The following AKAP13 variants were observed in gnomAD, a reference collection of about 807,000 sequenced individuals.
AKAP13 encodes A-kinase anchoring protein 13.
AKAP13 carries 80 observed loss-of-function variants against 264.5 expected under a neutral mutation model. The ratio of observed to expected loss-of-function variants is 0.30; its 90% CI spans 0.25 to 0.36. AKAP13 has a LOEUF of 0.36. AKAP13 is among the 10% of genes least tolerant of loss of function. The probability of loss-of-function intolerance (pLI) is 1.00; values close to 1 mark genes in which losing one functional copy is unlikely to be tolerated. For missense variants in AKAP13, 3,712 were observed against 3,435.2 expected (o/e 1.08, Z -2.01); for synonymous variants, 1,380 against 1,250.2 (o/e 1.10, Z -2.19).
chr15:85,710,743 T>TCA, intron 19 of AKAP13, 98 bp downstream of exon 19: 1 of 1,309,214 alleles, frequency 7.6e-7, no homozygotes, highest in Non-Finnish European at 1.1e-6. Flanking sequence ...ATAGTCAAGA[T>TCA]ATGAATACCT....
chr15:85,719,422 T>TAA, intron 23 of AKAP13, 96 bp downstream of exon 23: 1 of 1,471,086 alleles, frequency 6.8e-7, no homozygotes, highest in East Asian at 2.3e-5. Context: ...TTTCTACCAT[T>TAA]TATTATCTGT....
At chr15:85,731,662 A>G (rs1025546346) in intron 30 of AKAP13, among the ~76,000 whole-genome samples, 6 of 152,166 alleles carry the variant, frequency 3.9e-5, no homozygotes, top group Non-Finnish European at 8.8e-5. Context: ...TTTTTGTGAC[A>G]TATAAGAAAA....
At chr15:85,677,171 G>A (rs897311634) in intron 14 of AKAP13, 86 of 979,740 alleles carry the variant, frequency 8.8e-5, no homozygotes, top group Non-Finnish European at 1.0e-4. Flanking sequence ...TGTAGGCTTG[G>A]TACTAAGAAA....
Position 85,655,692 on chromosome 15 carries a change from C to T in AKAP13, c.4650C>T (p.Val1550=). The part of the protein sequence containing the change: ...SITEVPANCS[V]LRSSMRSLSP... ...CTGAAGTGCCTGCAAACTGCTCTGT[C>T]CTAAGGAGCTCCATGCGCTCTCTTT... is the stretch of plus-strand genomic sequence containing the variant. Residue 1550 remains valine (V), a synonymous_variant, in exon 11 of 37, where the codon GTC becomes GTT. Transcript: ENST00000394518. 6.2e-7 allele frequency: 1 copy of T among 1,614,220 alleles called. No homozygotes were observed. The highest frequency in any genetic ancestry group is 8.5e-7 in the Non-Finnish European group (1 of 1,180,038).
intron 8 of AKAP13, among the ~76,000 whole-genome samples, chr15:85,598,012 CT>C (rs1240919704): frequency 6.6e-6 from 1 of 152,050 alleles, no homozygotes; most frequent in Non-Finnish European, 1.5e-5. Flanking sequence ...TATTCTTTAT[CT>C]TTTGGTTTCT....
At chr15:85,470,103 C>T (rs1327876564) in intron 1 of AKAP13, among the ~76,000 whole-genome samples, 3 of 152,168 alleles carry the variant, frequency 2.0e-5, no homozygotes, top group Non-Finnish European at 1.5e-5. Context: ...GCCTGGCCAA[C>T]ACGGTGAAAC....
At chr15:85,456,758 G>C (rs1285660942) in intron 1 of AKAP13, among the ~76,000 whole-genome samples, 2 of 152,056 alleles carry the variant, frequency 1.3e-5, no homozygotes, top group Non-Finnish European at 2.9e-5. Flanking sequence ...CACCGTGTTA[G>C]CCAGGATGGT....
At chr15:85,719,382 G>A in intron 23 of AKAP13, 56 bp downstream of exon 23, 3 of 1,594,956 alleles carry the variant, frequency 1.9e-6, no homozygotes, top group Non-Finnish European at 1.7e-6. Context: ...GGGAAGTCAT[G>A]GGGTTCCACA....
intron 6 of AKAP13, among the ~76,000 whole-genome samples, chr15:85,578,370 G>A (rs564041144): frequency 9.2e-5 from 14 of 151,886 alleles, no homozygotes; most frequent in Non-Finnish European, 1.5e-4. Context: ...TTTTTAAGAC[G>A]GAGTTTTGCT....
Position 85,664,716 on chromosome 15 carries a change from G to A in AKAP13, c.4953G>A (p.Leu1651=). 6.2e-7 allele frequency: 1 copy of A among 1,613,982 alleles called. No individual in the cohort carries two copies. Among genetic ancestry groups the A allele is most frequent in the Non-Finnish European group, 8.5e-7 (1 of 1,179,922 alleles). The change falls in exon 13 of 37, where the codon CTG becomes CTA. Residue 1651 remains leucine, a synonymous_variant. Coordinates refer to ENST00000394518, the MANE Select transcript of AKAP13 (RefSeq NM_007200.5). ...TGGTGTCACTTTCAGAAGAGGATCT[G>A]GAGTCAGACCAGAGAGAACATAGGA... ...DSLVSLSEED[L]ESDQREHRMF...
chr15:85,565,260 G>A (rs1596545144), intron 5 of AKAP13, among the ~76,000 whole-genome samples: 1 of 151,936 alleles, frequency 6.6e-6, no homozygotes, highest in East Asian at 1.9e-4. Flanking sequence ...AAAATCAGAA[G>A]GCAGTAGAAA....
chr15:85,701,122 C>G (rs781087141), intron 17 of AKAP13: 2 of 152,092 alleles, frequency 1.3e-5, no homozygotes, highest in Non-Finnish European at 2.9e-5. Context: ...TTTGGAAAAC[C>G]AGTGAAATAG....
At chr15:85,660,546 C>T (rs934236391) in intron 12 of AKAP13, among the ~76,000 whole-genome samples, 1 of 151,942 alleles carries the variant, frequency 6.6e-6, no homozygotes, top group Admixed American at 6.6e-5. Flanking sequence ...TGTTCAGTTA[C>T]TGATTTGCCA....
chr15:85,605,430 T>C (rs759385029), intron 8 of AKAP13, among the ~76,000 whole-genome samples: 1 of 152,092 alleles, frequency 6.6e-6, no homozygotes, highest in Non-Finnish European at 1.5e-5. Flanking sequence ...AATGAGAACA[T>C]GTGGATGCAG....
At chr15:85,409,084 G>T (rs886328344) in intron 1 of AKAP13, among the ~76,000 whole-genome samples, 2 of 151,668 alleles carry the variant, frequency 1.3e-5, no homozygotes, top group Non-Finnish European at 2.9e-5. Flanking sequence ...TTAGTGATGT[G>T]AGCATCTTTT....
In AKAP13 at chr15:85,664,600, G is replaced by C. The variant is rs777916874; in HGVS notation, c.4837G>C (p.Gly1613Arg). Residue 1613 changes from glycine (G) to arginine (R), a missense_variant, in exon 13 of 37, where the codon GGA (glycine) becomes CGA (arginine). This residue lies in a region of AKAP13 where 2,759 missense variants were observed against 2,411.7 expected (regional missense o/e 1.14). Coordinates refer to ENST00000394518, the MANE Select transcript of AKAP13 (RefSeq NM_007200.5). ...AGGCTTGACAGGAGGAGCTGGTGTC[G>C]GAAACAAGCCATCCTCATCTCTAGA... The part of the protein sequence containing the change: ...LEGLTGGAGV[G>R]NKPSSSLEVS... 7 of 1,613,422 alleles carry C rather than the reference G, an allele frequency of 4.3e-6. No homozygotes were observed. The highest frequency in any genetic ancestry group is 5.9e-6 in the Non-Finnish European group (7 of 1,179,614).
intron 12 of AKAP13, among the ~76,000 whole-genome samples, chr15:85,660,713 T>TGTCAG (rs2083306190): frequency 6.6e-6 from 1 of 152,240 alleles, no homozygotes; most frequent in Admixed American, 6.5e-5. Flanking sequence ...AAGTAAATTA[T>TGTCAG]GTCAGTGTCA....
chr15:85,631,930 T>C (rs1596806236), intron 8 of AKAP13, among the ~76,000 whole-genome samples: 1 of 152,326 alleles, frequency 6.6e-6, no homozygotes, highest in East Asian at 1.9e-4. Context: ...TTAAAAGGAA[T>C]ATAAGTTGTC....
chr15:85,479,409 T>TG (rs2075283023), intron 1 of AKAP13, among the ~76,000 whole-genome samples: 1 of 152,236 alleles, frequency 6.6e-6, no homozygotes, highest in Admixed American at 6.5e-5. Context: ...TTTGAAGGAT[T>TG]GACTGTAGCC....
Sources: gnomAD v4.1 joint callset for allele counts (sites outside exome capture counted in the v4.1 genomes callset) on GRCh38, gnomAD v4.1.1 for gene constraint, gnomAD v4.1.1 regional missense constraint, MANE v1.5 for transcripts, NCBI Gene and HGNC (gene_info 2026-07-23, HGNC 2026-07-21) for gene names.